Variants in TTC28 observed in about 807,000 individuals in gnomAD.
TTC28 encodes the protein tetratricopeptide repeat domain 28.
In TTC28, 61 loss-of-function variants were observed where a neutral mutation model predicts 198.0. The observed-to-expected ratio is 0.31, with a 90% confidence interval of 0.25 to 0.38. The LOEUF (loss-of-function observed/expected upper bound fraction) is 0.38. Among genes scored for constraint, TTC28 ranks in the 10% least tolerant of loss-of-function variants. TTC28 has a pLI of 1.00. For missense variants in TTC28, 2,678 were observed against 3,164.0 expected (o/e 0.85, Z 3.69); for synonymous variants, 1,171 against 1,297.8 (o/e 0.90, Z 2.10).
intron 2 of TTC28, among the ~76,000 whole-genome samples, chr22:28,546,543 G>A (rs2049546955): frequency 6.6e-6 from 1 of 152,162 alleles, no homozygotes; most frequent in South Asian, 2.1e-4. Context: ...AGCATGTAAA[G>A]TGGTACAAAC....
chr22:28,448,664 G>A (rs1379982118), intron 2 of TTC28, among the ~76,000 whole-genome samples: 3 of 152,142 alleles, frequency 2.0e-5, no homozygotes, highest in Non-Finnish European at 4.4e-5. Context: ...GGTAATCCGA[G>A]AATCTCAAGG....
At chr22:28,095,027 C>T (rs1426757278) in intron 11 of TTC28, among the ~76,000 whole-genome samples, 1 of 152,076 alleles carries the variant, frequency 6.6e-6, no homozygotes, top group Non-Finnish European at 1.5e-5. Context: ...TTCCGATATA[C>T]CACCTGTCAA....
chr22:28,377,947 T>C (rs1049123877), intron 2 of TTC28, among the ~76,000 whole-genome samples: 2 of 152,132 alleles, frequency 1.3e-5, no homozygotes, highest in African/African-American at 4.8e-5. Flanking sequence ...ATATTCTATA[T>C]GTTCAAGAAG....
At chr22:28,509,223 A>T (rs958275533) in intron 2 of TTC28, among the ~76,000 whole-genome samples, 12 of 152,098 alleles carry the variant, frequency 7.9e-5, no homozygotes, top group African/African-American at 2.4e-4. Flanking sequence ...CTCTACCCAG[A>T]AACAACAGAA....
intron 2 of TTC28, among the ~76,000 whole-genome samples, chr22:28,325,084 G>A (rs1218079200): frequency 6.7e-6 from 1 of 149,060 alleles, no homozygotes; most frequent in African/African-American, 2.5e-5. Context: ...GGTTGAATTC[G>A]GCTGTGAATC....
At chr22:28,050,108 T>A (rs1442947737) in intron 12 of TTC28, among the ~76,000 whole-genome samples, 2 of 152,058 alleles carry the variant, frequency 1.3e-5, no homozygotes, top group Non-Finnish European at 2.9e-5. Flanking sequence ...TTGTTAAAGA[T>A]CCCTAAAGGG....
At chr22:28,381,159 A>G (rs182953535) in intron 2 of TTC28, among the ~76,000 whole-genome samples, 20 of 151,932 alleles carry the variant, frequency 1.3e-4, no homozygotes, top group African/African-American at 4.3e-4. Context: ...GAAAAGAAAA[A>G]AAAGTGTCAG....
intron 2 of TTC28, among the ~76,000 whole-genome samples, chr22:28,369,672 T>G (rs2046300459): frequency 6.6e-6 from 1 of 152,202 alleles, no homozygotes. Flanking sequence ...GTTCATCTCC[T>G]TTCCTTAAAT....
Position 28,107,513 on chromosome 22 carries a change from T to C in TTC28, c.2332A>G (p.Thr778Ala), listed in dbSNP as rs1162265565. The change falls in exon 7 of 23, where the codon ACA becomes GCA. Residue 778 changes from threonine (T) to alanine (A), a missense_variant. Thr to Ala is a moderately conservative substitution (Grantham distance 58). Coordinates refer to ENST00000397906, the MANE Select transcript of TTC28 (RefSeq NM_001145418.2). ...QKYDKALGYH[T>A]QELEVYQELS... ...TCCTGATATACCTCCAGTTCCTGTG[T>C]GTGATAACCCAGGGCCTTGTCATAC... 1 of 1,551,838 alleles carries C rather than the reference T, an allele frequency of 6.4e-7. No individual in the cohort carries two copies. The highest frequency in any genetic ancestry group is 8.7e-7 in the Non-Finnish European group (1 of 1,147,038).
At chr22:28,496,561 A>G (rs1163220931) in intron 2 of TTC28, among the ~76,000 whole-genome samples, 1 of 152,090 alleles carries the variant, frequency 6.6e-6, no homozygotes, top group Non-Finnish European at 1.5e-5. Context: ...TATGGTAGCT[A>G]AAGAAAAAAT....
In TTC28 at chr22:28,529,652, C is replaced by T. The variant is rs553732741; in HGVS notation, c.381+99900G>A. On this transcript the variant is annotated intron_variant, in intron 2 of 22. Coordinates refer to ENST00000397906, the MANE Select transcript of TTC28 (RefSeq NM_001145418.2). ...GAGTAGCCTAACTGGGAGACACCTC[C>T]CAGTAGGGGCCAACTGACACCTCAT... is the stretch of plus-strand genomic sequence containing the variant. Among the ~76,000 whole-genome samples the T allele has an allele frequency of 4.6e-5, 7 of 152,302 alleles. No individual in the cohort carries two copies. The East Asian group carries it at 1.2e-3, about 25-fold the overall frequency.
chr22:28,480,332 T>C (rs1259130806), intron 2 of TTC28, among the ~76,000 whole-genome samples: 1 of 152,176 alleles, frequency 6.6e-6, no homozygotes, highest in Non-Finnish European at 1.5e-5. Context: ...ATGCCAACTA[T>C]CTTGCCATAA....
At chr22:28,521,236 CA>C (rs879645384) in intron 2 of TTC28, among the ~76,000 whole-genome samples, 57 of 140,972 alleles carry the variant, frequency 4.0e-4, no homozygotes, top group South Asian at 4.5e-4. Context: ...CTATCTCTAC[CA>C]AAAAAAAAAA....
intron 2 of TTC28, among the ~76,000 whole-genome samples, chr22:28,543,263 A>G (rs1050241640): frequency 6.6e-6 from 1 of 152,130 alleles, no homozygotes; most frequent in Non-Finnish European, 1.5e-5. Context: ...AATTGAGCAC[A>G]GGAGGTCAAA....
At chr22:28,384,946 C>G (rs2046554401) in intron 2 of TTC28, among the ~76,000 whole-genome samples, 1 of 151,820 alleles carries the variant, frequency 6.6e-6, no homozygotes, top group Non-Finnish European at 1.5e-5. Flanking sequence ...AGTTTGAGAC[C>G]AACCTGGCCA....
chr22:28,422,538 A>C (rs1008197641), intron 2 of TTC28, among the ~76,000 whole-genome samples: 1 of 151,524 alleles, frequency 6.6e-6, no homozygotes, highest in Non-Finnish European at 1.5e-5. Flanking sequence ...TCCCAGGTTC[A>C]CGCCATTCTC....
intron 19 of TTC28, 91 bp from the exon 20 acceptor site, chr22:27,990,903 C>A: frequency 1.5e-6 from 2 of 1,361,266 alleles, no homozygotes; most frequent in Non-Finnish European, 2.0e-6. Context: ...ATGAGCTGAT[C>A]ACTGTTTAGG....
At chr22:28,579,537 A>G (rs2146050999) in intron 2 of TTC28, among the ~76,000 whole-genome samples, 1 of 149,520 alleles carries the variant, frequency 6.7e-6, no homozygotes, top group South Asian at 2.1e-4. Context: ...ATAACTATAT[A>G]TTCATTTATC....
intron 2 of TTC28, among the ~76,000 whole-genome samples, chr22:28,546,214 G>T (rs998083094): frequency 6.6e-6 from 1 of 152,216 alleles, no homozygotes; most frequent in African/African-American, 2.4e-5. Context: ...AAAGGTACCA[G>T]GTGTGGTGGC....
Sources: gnomAD v4.1 joint callset for allele counts (sites outside exome capture counted in the v4.1 genomes callset) on GRCh38, gnomAD v4.1.1 for gene constraint, MANE v1.5 for transcripts, NCBI Gene and HGNC (gene_info 2026-07-23, HGNC 2026-07-21) for gene names.